Variants in ZFR observed in about 807,000 individuals in gnomAD.
ZFR encodes zinc finger RNA binding protein.
Under a neutral mutation model 130.7 loss-of-function variants are expected in ZFR, and 19 were observed. The ratio of observed to expected loss-of-function variants is 0.15; its 90% CI spans 0.10 to 0.21. The LOEUF is 0.21. Ranked by LOEUF, ZFR falls within the 10% of genes least tolerant of loss-of-function variation. The pLI is 1.00. For missense variants in ZFR, 872 were observed against 1,321.5 expected, an observed-to-expected ratio of 0.66 and a Z score of 5.27; for synonymous variants, 466 against 456.9, an observed-to-expected ratio of 1.02 and a Z score of -0.25.
intron 9 of ZFR, among the ~76,000 whole-genome samples, chr5:32,399,657 T>A (rs1476994281): frequency 6.6e-6 from 1 of 152,218 alleles, no homozygotes; most frequent in African/African-American, 2.4e-5. Flanking sequence ...AAAATAAATA[T>A]ATTGGTTCTC....
chr5:32,381,863 T>A (rs1752943112), intron 15 of ZFR, among the ~76,000 whole-genome samples: 1 of 152,134 alleles, frequency 6.6e-6, no homozygotes. Flanking sequence ...TAAAAAGAAG[T>A]TATCAAGACA....
intron 2 of ZFR, among the ~76,000 whole-genome samples, chr5:32,432,241 T>A (rs1754241676): frequency 6.6e-6 from 1 of 152,150 alleles, no homozygotes; most frequent in Non-Finnish European, 1.5e-5. Flanking sequence ...ACTGCAAGTT[T>A]GTGCATCAAA....
intron 15 of ZFR, chr5:32,383,747 G>C (rs776461224): frequency 6.6e-6 from 3 of 456,696 alleles, no homozygotes; most frequent in South Asian, 4.6e-5. Flanking sequence ...GCTGCAGTGA[G>C]AGAGAATACA....
intron 2 of ZFR, among the ~76,000 whole-genome samples, chr5:32,432,682 A>G (rs1267123278): frequency 6.6e-6 from 1 of 152,010 alleles, no homozygotes; most frequent in Non-Finnish European, 1.5e-5. Context: ...TTGCAATGTT[A>G]TTATAATAAT....
chr5:32,357,324 G>A (rs938140708), intron 19 of ZFR, among the ~76,000 whole-genome samples: 1 of 152,100 alleles, frequency 6.6e-6, no homozygotes, highest in Non-Finnish European at 1.5e-5. Flanking sequence ...GGAGTGCAGT[G>A]GCGCGATCTC....
At position 32,390,365 on chromosome 5, in the gene ZFR, C is replaced by G; in HGVS notation, c.2052G>C (p.Met684Ile). Reference protein sequence around the residue: ...EQHHWDDRRRMPDGGYPHGPP... With the variant: ...EQHHWDDRRRIPDGGYPHGPP... ...GACCATGAGGATAACCTCCATCTGG[C>G]ATTCGGCGGCGATCATCCCAATGAT... Residue 684 changes from methionine (M) to isoleucine (I), a missense_variant, in exon 12 of 20, where the codon ATG becomes ATC. Physicochemically the swap from Met to Ile is conservative, Grantham distance 10. This residue lies in a region of ZFR where 225 missense variants were observed against 282.4 expected (regional missense o/e 0.80). Transcript: ENST00000265069. The G allele has an allele frequency of 6.2e-7, 1 of 1,614,160 alleles. No individual in the cohort carries two copies. Among genetic ancestry groups the G allele is most frequent in the Non-Finnish European group, 8.5e-7 (1 of 1,180,016 alleles).
intron 4 of ZFR, among the ~76,000 whole-genome samples, chr5:32,415,990 G>A (rs964346172): frequency 2.9e-4 from 44 of 151,022 alleles, no homozygotes; most frequent in African/African-American, 1.0e-3. Context: ...TTTTGAGACA[G>A]GGTCCCACTC....
chr5:32,374,932 C>T (rs1752764989), intron 17 of ZFR, among the ~76,000 whole-genome samples: 1 of 152,142 alleles, frequency 6.6e-6, no homozygotes, highest in Non-Finnish European at 1.5e-5. Context: ...GCTACTAAAA[C>T]TGCTTCAGAG....
In ZFR at chr5:32,415,163, C is replaced by A; in HGVS notation, c.590G>T (p.Gly197Val). The A allele has an allele frequency of 6.2e-7, 1 of 1,613,902 alleles. No homozygotes were observed. The highest frequency in any genetic ancestry group is 8.5e-7 in the Non-Finnish European group (1 of 1,179,956). ...QTAPKAGYSQGATQYTQAQQT... is the reference protein window; with the variant it reads ...QTAPKAGYSQVATQYTQAQQT... ...CTGGGCTTGAGTATACTGAGTTGCA[C>A]CTTGGCTGTAACCTGCTTTGGGGGC... is the stretch of plus-strand genomic sequence containing the variant. The change falls in exon 5 of 20, where the codon GGT (glycine) becomes GTT (valine). Residue 197 changes from glycine to valine, a missense_variant. Gly to Val is a moderately radical substitution (Grantham distance 109). Coordinates refer to ENST00000265069, the MANE Select transcript of ZFR (RefSeq NM_016107.5).
chr5:32,401,914 A>T (rs560488954), intron 8 of ZFR, among the ~76,000 whole-genome samples: 98 of 152,314 alleles, frequency 6.4e-4, no homozygotes, highest in African/African-American at 2.3e-3. Flanking sequence ...AAAACAAAGA[A>T]ATAATGTTAG....
intron 17 of ZFR, among the ~76,000 whole-genome samples, chr5:32,366,745 TA>T (rs1752554156): frequency 6.6e-6 from 1 of 152,192 alleles, no homozygotes; most frequent in Non-Finnish European, 1.5e-5. Context: ...GGTTTTGATG[TA>T]AAGGGTCTTG....
In ZFR at chr5:32,401,429, G is replaced by C. The variant is rs570395933; in HGVS notation, c.1517-1226C>G. Among the ~76,000 whole-genome samples the C allele has an allele frequency of 1.9e-4, 29 of 152,332 alleles. No homozygotes were observed. In the East Asian group the frequency reaches 5.2e-3, roughly 27 times the overall value. On this transcript the variant is annotated intron_variant, in intron 8 of 19. Transcript: ENST00000265069. ...TAAGGAAAGGTTTCACAAAGGGTGT[G>C]ACACTTGAACTGGGATTTGAAAGAA...
intron 12 of ZFR, 69 bp downstream of exon 12, chr5:32,390,206 A>G: frequency 6.5e-7 from 1 of 1,539,118 alleles, no homozygotes; most frequent in Non-Finnish European, 8.8e-7. Context: ...TAGCCCCTCC[A>G]AAATTGTTTT....
In ZFR at chr5:32,402,933, C is replaced by T. The variant is rs917072564; in HGVS notation, c.1516+173G>A. The stretch of plus-strand genomic sequence containing the variant: ...TGGCTGAAGGGAAGAAACCAGTAGA[C>T]GATGGAATAAAAATTAAAAATACAC... On this transcript the variant is annotated intron_variant, in intron 8 of 19. Coordinates refer to ENST00000265069, the MANE Select transcript of ZFR (RefSeq NM_016107.5). Among the ~76,000 whole-genome samples the T allele has an allele frequency of 7.3e-5, 11 of 150,958 alleles. No homozygotes were observed. The South Asian group carries it at 2.1e-3, about 29-fold the overall frequency.
At chr5:32,437,943 T>C (rs1195162007) in intron 2 of ZFR, among the ~76,000 whole-genome samples, 2 of 152,184 alleles carry the variant, frequency 1.3e-5, no homozygotes, top group South Asian at 2.1e-4. Context: ...CCTCACTATA[T>C]ACATTAAAAT....
Position 32,390,361 on chromosome 5 carries a change from C to G in ZFR, c.2056G>C (p.Asp686His). The change falls in exon 12 of 20, where the codon GAT becomes CAT. Residue 686 changes from aspartate to histidine, a missense_variant. Asp to His is a moderately conservative substitution (Grantham distance 81). This residue lies in a region of ZFR where 225 missense variants were observed against 282.4 expected (regional missense o/e 0.80). Transcript: ENST00000265069. ...GGAGGACCATGAGGATAACCTCCATCTGGCATTCGGCGGCGATCATCCCAA... is the reference window on the plus strand; with the variant it reads ...GGAGGACCATGAGGATAACCTCCATGTGGCATTCGGCGGCGATCATCCCAA... ...HHWDDRRRMP[D>H]GGYPHGPPGP... is the part of the protein sequence containing the mutation. 1 of 1,614,184 alleles carries G rather than the reference C, an allele frequency of 6.2e-7. No homozygotes were observed. Among genetic ancestry groups the G allele is most frequent in the South Asian group, 1.1e-5 (1 of 91,090 alleles).
chr5:32,435,367 T>C (rs1754310933), intron 2 of ZFR, among the ~76,000 whole-genome samples: 1 of 152,270 alleles, frequency 6.6e-6, no homozygotes, highest in African/African-American at 2.4e-5. Flanking sequence ...TTTTACAAGC[T>C]TACTACGAAT....
At chr5:32,415,993 T>TC (rs1753818691) in intron 4 of ZFR, among the ~76,000 whole-genome samples, 1 of 151,084 alleles carries the variant, frequency 6.6e-6, no homozygotes, top group African/African-American at 2.4e-5. Flanking sequence ...TGAGACAGGG[T>TC]CCCACTCTGT....
intron 17 of ZFR, among the ~76,000 whole-genome samples, chr5:32,375,535 G>A (rs1262933705): frequency 2.0e-5 from 3 of 152,116 alleles, no homozygotes; most frequent in African/African-American, 4.8e-5. Context: ...AAAGAGATAA[G>A]GTCTCATTCT....
Sources: gnomAD v4.1 joint callset for allele counts (sites outside exome capture counted in the v4.1 genomes callset) on GRCh38, gnomAD v4.1.1 for gene constraint, gnomAD v4.1.1 regional missense constraint, MANE v1.5 for transcripts, NCBI Gene and HGNC (gene_info 2026-07-23, HGNC 2026-07-21) for gene names.